The following PAPPA variants were observed in gnomAD, a reference collection of about 807,000 sequenced individuals.
PAPPA encodes the protein pappalysin 1.
PAPPA carries 60 observed loss-of-function variants against 164.0 expected under a neutral mutation model. That is an observed-to-expected ratio of 0.37 (90% CI 0.30 to 0.45). The LOEUF is 0.45. Among genes scored for constraint, PAPPA ranks in the 20% least tolerant of loss-of-function variants. PAPPA has a pLI of 1.00. For missense variants in PAPPA, 1,782 were observed against 2,087.3 expected, an observed-to-expected ratio of 0.85 and a Z score of 2.85; for synonymous variants, 875 against 814.1, an observed-to-expected ratio of 1.07 and a Z score of -1.27.
At chr9:116,317,474 T>C (rs1845801664) in intron 10 of PAPPA, among the ~76,000 whole-genome samples, 1 of 152,212 alleles carries the variant, frequency 6.6e-6, no homozygotes, top group Non-Finnish European at 1.5e-5. Context: ...TCCAGGGTTG[T>C]CTGTGTTTCT....
Position 116,154,131 on chromosome 9 carries a change from G to A in PAPPA, c.-42G>A. ...GCTCCCAAAGCTGGCAGCTCCGGGT[G>A]GCGGTGCAGGGGCGAAGGGGGGGCG... is the stretch of plus-strand genomic sequence containing the variant. On this transcript the variant is annotated 5_prime_UTR_variant, in exon 1 of 22. Coordinates refer to ENST00000328252, the MANE Select transcript of PAPPA (RefSeq NM_002581.5). The surrounding 1 kb of genome is among the most constrained non-coding windows in gnomAD (Gnocchi z 5.2). 2 of 1,398,104 alleles carry A rather than the reference G, an allele frequency of 1.4e-6. No homozygotes were observed. The highest frequency in any genetic ancestry group is 1.3e-5 in the South Asian group (1 of 76,722). The allele number at this position is 1,398,104 out of a possible 1,614,324, so 86.6% of individuals were successfully genotyped here.
In PAPPA at chr9:116,382,415, T is replaced by C; in HGVS notation, c.4698T>C (p.Tyr1566=). Residue 1566 remains tyrosine, a synonymous_variant, in exon 21 of 22, where the codon TAT becomes TAC. Transcript: ENST00000328252. ...TCCAGCCCTTCATGGGAGACAATTA[T>C]TGTGATGCCATCAACAACCGAGCCT... is the stretch of plus-strand genomic sequence containing the variant. ...KGCEPFMGDN[Y]CDAINNRAFC... 2.5e-6 allele frequency: 4 copies of C among 1,613,484 alleles called. No homozygotes were observed. Among genetic ancestry groups the C allele is most frequent in the Non-Finnish European group, 3.4e-6 (4 of 1,179,442 alleles).
intron 7 of PAPPA, 83 bp downstream of exon 7, chr9:116,235,720 G>C (rs1564194401): frequency 7.4e-7 from 1 of 1,346,468 alleles, no homozygotes; most frequent in Non-Finnish European, 1.1e-6. Context: ...GCCTGGACAG[G>C]GGGAAGGTTC....
intron 15 of PAPPA, among the ~76,000 whole-genome samples, chr9:116,349,214 T>C (rs1209530905): frequency 2.0e-5 from 3 of 151,432 alleles, no homozygotes; most frequent in Admixed American, 1.3e-4. Context: ...GTCCAGCTAG[T>C]GCATTTTTGT....
chr9:116,307,522 C>T (rs1845661877), intron 10 of PAPPA, among the ~76,000 whole-genome samples: 1 of 152,092 alleles, frequency 6.6e-6, no homozygotes, highest in Non-Finnish European at 1.5e-5. Flanking sequence ...ATCGCTTGAA[C>T]CCGGTTCAAG....
intron 21 of PAPPA, among the ~76,000 whole-genome samples, chr9:116,384,568 CTTTTAT>C (rs1846780400): frequency 6.6e-6 from 1 of 152,044 alleles, no homozygotes. Context: ...TTTACTTCAA[CTTTTAT>C]TTTTAACTTT....
At position 116,259,535 on chromosome 9, in the gene PAPPA, T is replaced by C. The variant is rs189945268; in HGVS notation, c.2733-6322T>C. ...TAGAAACCTACTTGATCCACAAACA[T>C]GTGAAAAGATACTCAGGCTTGTTAG... is the stretch of plus-strand genomic sequence containing the variant. On this transcript the variant is annotated intron_variant, in intron 7 of 21. Transcript: ENST00000328252. 6.3e-4 allele frequency among the ~76,000 whole-genome samples: 96 copies of C among 152,212 alleles called. 1 individual carries two copies. The highest frequency in any genetic ancestry group is 1.2e-3 in the South Asian group (6 of 4,812).
rs941982312 is a variant in PAPPA, at chr9:116,203,533, C to T, written c.1479-3923C>T. Among the ~76,000 whole-genome samples, 3 of 152,094 alleles carry T rather than the reference C, an allele frequency of 2.0e-5. No homozygotes were observed. The East Asian group carries it at 5.8e-4, about 29-fold the overall frequency. Reference sequence around the variant, plus strand: ...GTACTGGAATTAAAAGTAGGGGGCACAGAGGAAGGAGGACTCATTTTCAGA... The same window carrying T: ...GTACTGGAATTAAAAGTAGGGGGCATAGAGGAAGGAGGACTCATTTTCAGA... On this transcript the variant is annotated intron_variant, in intron 2 of 21. Transcript: ENST00000328252.
intron 9 of PAPPA, among the ~76,000 whole-genome samples, chr9:116,278,166 T>C (rs1845224111): frequency 1.3e-5 from 2 of 152,198 alleles, no homozygotes. Flanking sequence ...AGTTATTCCA[T>C]TTATTAGATA....
chr9:116,171,746 A>G (rs1843778096), intron 1 of PAPPA, among the ~76,000 whole-genome samples: 1 of 151,884 alleles, frequency 6.6e-6, no homozygotes, highest in Non-Finnish European at 1.5e-5. Context: ...ATTCATTGAA[A>G]CCATGGGGAG....
At chr9:116,168,370 A>T (rs567721764) in intron 1 of PAPPA, among the ~76,000 whole-genome samples, 1 of 152,372 alleles carries the variant, frequency 6.6e-6, no homozygotes, top group East Asian at 1.9e-4. Flanking sequence ...AGGAACTCCC[A>T]GTCCTAGTGG....
At chr9:116,299,182 C>A (rs926519549) in intron 9 of PAPPA, among the ~76,000 whole-genome samples, 3 of 152,142 alleles carry the variant, frequency 2.0e-5, no homozygotes, top group Non-Finnish European at 4.4e-5. Context: ...AAGAGACTCA[C>A]AATAGCTTTG....
At chr9:116,253,898 G>T (rs1844890994) in intron 7 of PAPPA, among the ~76,000 whole-genome samples, 1 of 152,086 alleles carries the variant, frequency 6.6e-6, no homozygotes, top group Non-Finnish European at 1.5e-5. Flanking sequence ...GGGAATATTT[G>T]GTCTCTTTGC....
At chr9:116,292,133 A>G (rs1380269423) in intron 9 of PAPPA, among the ~76,000 whole-genome samples, 1 of 152,222 alleles carries the variant, frequency 6.6e-6, no homozygotes, top group African/African-American at 2.4e-5. Context: ...AATGGAAGGT[A>G]GTGAGCAAGG....
At chr9:116,303,896 T>A (rs1845611521) in intron 10 of PAPPA, among the ~76,000 whole-genome samples, 1 of 152,248 alleles carries the variant, frequency 6.6e-6, no homozygotes, top group Non-Finnish European at 1.5e-5. Flanking sequence ...GTTGCCTGTA[T>A]TTGATTATTT....
chr9:116,234,052 G>C (rs991828421), intron 6 of PAPPA, among the ~76,000 whole-genome samples: 3 of 151,964 alleles, frequency 2.0e-5, no homozygotes, highest in Non-Finnish European at 4.4e-5. Flanking sequence ...TTTTTTTTAA[G>C]GTGTCTAGTT....
At chr9:116,250,227 AT>A (rs1844845261) in intron 7 of PAPPA, among the ~76,000 whole-genome samples, 1 of 152,178 alleles carries the variant, frequency 6.6e-6, no homozygotes. Flanking sequence ...AGGATTAATC[AT>A]TCACTCATGG....
intron 21 of PAPPA, among the ~76,000 whole-genome samples, chr9:116,384,880 G>C (rs1020723053): frequency 1.3e-5 from 2 of 152,114 alleles, no homozygotes; most frequent in Non-Finnish European, 2.9e-5. Context: ...TGACACCAAC[G>C]GTTGGAGAAA....
chr9:116,246,153 A>C lies in PAPPA; in HGVS notation c.2732+10516A>C, dbSNP rs138814369. 7.2e-3 allele frequency among the ~76,000 whole-genome samples: 1,096 copies of C among 152,300 alleles called. 7 individuals are homozygous for C. Among genetic ancestry groups the C allele is most frequent in the African/African-American group, 0.024 (1,011 of 41,558 alleles). On this transcript the variant is annotated intron_variant, in intron 7 of 21. Coordinates refer to ENST00000328252, the MANE Select transcript of PAPPA (RefSeq NM_002581.5). ...TTAGGCCTGTTCCCCATATAATGAT[A>C]GGAAAAATGTAATAGGTCTTTACAA...
Sources: allele counts gnomAD v4.1 joint callset (sites outside exome capture counted in the v4.1 genomes callset), GRCh38; gene constraint gnomAD v4.1.1; non-coding constraint Gnocchi (gnomAD v3.1); transcripts MANE v1.5; gene names NCBI Gene and HGNC (gene_info 2026-07-23, HGNC 2026-07-21).